The following AHCTF1 variants were observed in gnomAD, a reference collection of about 807,000 sequenced individuals.
The protein encoded by AHCTF1 is AT-hook containing transcription factor 1.
AHCTF1 carries 24 observed loss-of-function variants against 248.4 expected under a neutral mutation model. The observed-to-expected ratio is 0.10, with a 90% CI of 0.07 to 0.14. The LOEUF (loss-of-function observed/expected upper bound fraction) is 0.14, where lower values mean the gene tolerates loss of function less well. Among genes scored for constraint, AHCTF1 ranks in the 10% least tolerant of loss-of-function variants. The pLI is 1.00. For synonymous variants in AHCTF1, 786 were observed against 929.8 expected, an observed-to-expected ratio of 0.85 and a Z score of 2.81; for missense variants, 2,206 against 2,636.2, an observed-to-expected ratio of 0.84 and a Z score of 3.57.
At chr1:246,869,562 C>T (rs536871159) in intron 24 of AHCTF1, among the ~76,000 whole-genome samples, 1 of 152,102 alleles carries the variant, frequency 6.6e-6, no homozygotes, top group Non-Finnish European at 1.5e-5. Context: ...AAATTAAAGG[C>T]AATCACCATT....
chr1:246,901,734 G>GT (rs1665015508), intron 8 of AHCTF1, among the ~76,000 whole-genome samples: 1 of 152,164 alleles, frequency 6.6e-6, no homozygotes, highest in Non-Finnish European at 1.5e-5. Context: ...GGGAGAATTG[G>GT]TTGAGCCCAG....
At chr1:246,852,905 T>G (rs1364459654) in intron 32 of AHCTF1, among the ~76,000 whole-genome samples, 186 bp downstream of exon 32, 1 of 152,178 alleles carries the variant, frequency 6.6e-6, no homozygotes, top group African/African-American at 2.4e-5. Context: ...GGTTGATTTA[T>G]TAAAGGATGT....
chr1:246,876,317 CA>C (rs1223746013), intron 23 of AHCTF1, 130 bp from the exon 24 acceptor site: 10 of 769,690 alleles, frequency 1.3e-5, no homozygotes, highest in African/African-American at 3.6e-5. Flanking sequence ...TCCATTTTTC[CA>C]AACCAAGAAC....
rs768940782 is a variant in AHCTF1, at chr1:246,907,616, A to G, written c.699T>C (p.Asn233=). 1.9e-6 allele frequency: 3 copies of G among 1,613,854 alleles called. No homozygotes were observed. The highest frequency in any genetic ancestry group is 1.3e-5 in the African/African-American group (1 of 75,052). ...CATCAGAAAAACCTACAGCAAGCTGATTTGTCCTGCTTATGTAACTAAGAG... is the reference window on the plus strand; with the variant it reads ...CATCAGAAAAACCTACAGCAAGCTGGTTTGTCCTGCTTATGTAACTAAGAG... ...VSTLSYISRT[N]QLAVGFSDGY... The change falls in exon 5 of 36, where the codon AAT becomes AAC. Residue 233 remains asparagine, a synonymous_variant. Coordinates refer to ENST00000648844, the MANE Select transcript of AHCTF1 (RefSeq NM_001323342.2).
chr1:246,925,632 C>T (rs1434931237), intron 1 of AHCTF1, among the ~76,000 whole-genome samples: 1 of 151,972 alleles, frequency 6.6e-6, no homozygotes, highest in Non-Finnish European at 1.5e-5. Flanking sequence ...AAAAATAAAC[C>T]TAATGTGGTT....
At chr1:246,864,262 C>T in intron 26 of AHCTF1, 146 bp from the exon 27 acceptor site, 3 of 795,442 alleles carry the variant, frequency 3.8e-6, no homozygotes, top group Non-Finnish European at 5.8e-6. Flanking sequence ...CAAAGTGCTA[C>T]CATGCATTCA....
chr1:246,922,790 GGA>G (rs1666642020), intron 1 of AHCTF1, among the ~76,000 whole-genome samples: 2 of 150,958 alleles, frequency 1.3e-5, no homozygotes, highest in African/African-American at 2.4e-5. Context: ...AGACCATCCT[GGA>G]TAACACGGTG....
At chr1:246,861,337 C>T in intron 28 of AHCTF1, 42 bp from the exon 29 acceptor site, 1 of 1,520,330 alleles carries the variant, frequency 6.6e-7, no homozygotes, top group East Asian at 2.3e-5. Context: ...TAGTAAATAT[C>T]ACAGTTAAGT....
chr1:246,895,946 A>AGGAAAGAAAT (rs1337840491), intron 12 of AHCTF1, 21 bp from the exon 13 acceptor site: 1 of 1,592,232 alleles, frequency 6.3e-7, no homozygotes, highest in African/African-American at 1.3e-5. Flanking sequence ...CATTACAGAA[A>AGGAAAGAAAT]GGAAAGAAAT....
At chr1:246,916,514 C>A in intron 2 of AHCTF1, 119 bp from the exon 3 acceptor site, 2 of 903,736 alleles carry the variant, frequency 2.2e-6, no homozygotes, top group South Asian at 1.8e-5. Flanking sequence ...ATTATCTCCA[C>A]ATTGAAATCT....
chr1:246,842,626 G>C lies in AHCTF1; in HGVS notation c.6608+68C>G. The C allele has an allele frequency of 2.5e-6, 3 of 1,178,908 alleles. No individual in the cohort carries two copies. In the South Asian group the frequency reaches 5.0e-5, roughly 20 times the overall value. 73.0% of individuals were successfully genotyped at this position (1,178,908 alleles called of 1,614,324 possible). ...AAAATAAAATAATAAAAGGAGGATAGTAGGGTGGGGACAGAGCGAGACTGT... is the reference window on the plus strand; with the variant it reads ...AAAATAAAATAATAAAAGGAGGATACTAGGGTGGGGACAGAGCGAGACTGT... On this transcript the variant is annotated intron_variant, in intron 35 of 35. Transcript: ENST00000648844.
intron 10 of AHCTF1, 105 bp downstream of exon 10, chr1:246,899,960 T>G: frequency 7.5e-5 from 84 of 1,114,130 alleles, no homozygotes; most frequent in Non-Finnish European, 9.8e-5. Context: ...TAACTAACAG[T>G]GAGATACAAA....
intron 24 of AHCTF1, among the ~76,000 whole-genome samples, chr1:246,868,251 C>G (rs1004189767): frequency 2.0e-5 from 3 of 151,928 alleles, no homozygotes; most frequent in Non-Finnish European, 2.9e-5. Flanking sequence ...GCCTTAGCCT[C>G]CCGAGTAGCT....
intron 12 of AHCTF1, among the ~76,000 whole-genome samples, chr1:246,896,334 T>G (rs1664570173): frequency 6.6e-6 from 1 of 152,188 alleles, no homozygotes; most frequent in South Asian, 2.1e-4. Flanking sequence ...TAATTGTAGA[T>G]AAACAAATTA....
chr1:246,844,108 G>C (rs943037960), intron 33 of AHCTF1, among the ~76,000 whole-genome samples, 180 bp from the exon 34 acceptor site: 5 of 152,112 alleles, frequency 3.3e-5, no homozygotes, highest in African/African-American at 1.2e-4. Flanking sequence ...AAAAATCCCA[G>C]CATCATTTGG....
intron 32 of AHCTF1, 98 bp from the exon 33 acceptor site, chr1:246,851,540 T>A: frequency 9.5e-7 from 1 of 1,057,504 alleles, no homozygotes; most frequent in Non-Finnish European, 1.3e-6. Context: ...GTGTGCCTTT[T>A]AAAACATAAA....
In AHCTF1 at chr1:246,868,995, C is replaced by T. The variant is rs549041580; in HGVS notation, c.3089-1184G>A. 2.4e-4 allele frequency among the ~76,000 whole-genome samples: 36 copies of T among 151,080 alleles called. No individual in the cohort carries two copies. In the South Asian group the frequency reaches 2.5e-3, roughly 10 times the overall value. ...GAGTAGCTGGGACTACAGGCGCCCG[C>T]CACCATGCCTGGCTAACTTTTTCTA... is the stretch of plus-strand genomic sequence containing the variant. On this transcript the variant is annotated intron_variant, in intron 24 of 35. Transcript: ENST00000648844.
intron 1 of AHCTF1, among the ~76,000 whole-genome samples, chr1:246,919,860 A>G (rs1169908652): frequency 2.6e-5 from 4 of 151,740 alleles, no homozygotes; most frequent in Non-Finnish European, 5.9e-5. Flanking sequence ...ATAAACTCAC[A>G]GAGCCAGGCA....
intron 12 of AHCTF1, among the ~76,000 whole-genome samples, chr1:246,896,566 G>A (rs554581310): frequency 3.9e-5 from 6 of 152,290 alleles, no homozygotes; most frequent in Non-Finnish European, 8.8e-5. Flanking sequence ...GGGCAGGCAG[G>A]AAGGTAAGGG....
Sources: allele counts gnomAD v4.1 joint callset (sites outside exome capture counted in the v4.1 genomes callset), GRCh38; gene constraint gnomAD v4.1.1; transcripts MANE v1.5; gene names NCBI Gene and HGNC (gene_info 2026-07-23, HGNC 2026-07-21).